PTGIS: variants seen among roughly 807,000 people sequenced by gnomAD.
The protein encoded by PTGIS is prostacyclin synthase.
Under a neutral mutation model 50.3 loss-of-function variants are expected in PTGIS, and 45 were observed. The ratio of observed to expected loss-of-function variants is 0.90; its 90% confidence interval spans 0.70 to 1.15. The LOEUF (loss-of-function observed/expected upper bound fraction) is 1.15. Ranked by LOEUF, PTGIS falls within the 50% of genes most tolerant of loss-of-function variation. The probability of loss-of-function intolerance (pLI) is 0.00; values close to 1 mark genes in which losing one functional copy is unlikely to be tolerated. For synonymous variants in PTGIS, 260 were observed against 267.7 expected, an observed-to-expected ratio of 0.97 and a Z score of 0.28; for missense variants, 668 against 661.3, an observed-to-expected ratio of 1.01 and a Z score of -0.11.
chr20:49,511,641 T>G (rs1981322998), intron 8 of PTGIS, among the ~76,000 whole-genome samples: 1 of 152,238 alleles, frequency 6.6e-6, no homozygotes, highest in Non-Finnish European at 1.5e-5. Context: ...TAATGTAAAA[T>G]AAAAGAAATT....
chr20:49,548,876 G>A (rs1982436233), intron 2 of PTGIS, among the ~76,000 whole-genome samples: 2 of 152,178 alleles, frequency 1.3e-5, no homozygotes, highest in Non-Finnish European at 2.9e-5. Context: ...AGGTTGGTTG[G>A]AAACCAAATG....
At position 49,540,469 on chromosome 20, in the gene PTGIS, G is replaced by A. The variant is rs560566109; in HGVS notation, c.522-748C>T. 6.6e-6 allele frequency among the ~76,000 whole-genome samples: 1 copy of A among 152,276 alleles called. No homozygotes were observed. Among genetic ancestry groups the A allele is most frequent in the South Asian group, 2.1e-4 (1 of 4,822 alleles). On this transcript the variant is annotated intron_variant, in intron 4 of 9. Coordinates refer to ENST00000244043, the MANE Select transcript of PTGIS (RefSeq NM_000961.4). This position sits in a 1 kb window ranked among gnomAD's most constrained non-coding sequence, Gnocchi z 4.8. Reference sequence around the variant, plus strand: ...GGTGCAGGCACTGGAGCCGGGGTGTGAGGCAGAGGATGGGAGGGCCTGGGC... The same window carrying A: ...GGTGCAGGCACTGGAGCCGGGGTGTAAGGCAGAGGATGGGAGGGCCTGGGC...
chr20:49,548,997 G>A (rs1321539420), intron 2 of PTGIS, among the ~76,000 whole-genome samples: 1 of 151,792 alleles, frequency 6.6e-6, no homozygotes, highest in African/African-American at 2.4e-5. Flanking sequence ...AAGGTGGGTG[G>A]GTGGTGGTCG....
intron 5 of PTGIS, among the ~76,000 whole-genome samples, chr20:49,526,988 T>C (rs966820305): frequency 6.6e-6 from 1 of 152,194 alleles, no homozygotes; most frequent in African/African-American, 2.4e-5. Flanking sequence ...CCCAAAGAAC[T>C]GAAACCAGAG....
intron 5 of PTGIS, among the ~76,000 whole-genome samples, chr20:49,532,397 A>G (rs774694244): frequency 4.6e-5 from 7 of 152,158 alleles, no homozygotes; most frequent in Admixed American, 6.5e-5. Flanking sequence ...TTTTTTTTTA[A>G]CAAAAGTCAG....
intron 9 of PTGIS, among the ~76,000 whole-genome samples, chr20:49,509,842 CT>C (rs1383369942): frequency 6.8e-6 from 1 of 147,442 alleles, no homozygotes; most frequent in African/African-American, 2.5e-5. Context: ...CCCAGTCCCC[CT>C]TTTCCCTCAA....
chr20:49,536,379 A>G (rs1461363060), intron 5 of PTGIS, among the ~76,000 whole-genome samples: 1 of 152,176 alleles, frequency 6.6e-6, no homozygotes, highest in African/African-American at 2.4e-5. Flanking sequence ...GTGTTTGAGC[A>G]CTGACTATGA....
intron 6 of PTGIS, among the ~76,000 whole-genome samples, chr20:49,517,885 A>T (rs1452414144): frequency 6.6e-6 from 1 of 152,166 alleles, no homozygotes; most frequent in Non-Finnish European, 1.5e-5. Context: ...TCCAGGACTG[A>T]CCCATCCTTC....
At chr20:49,547,360 G>A (rs1054354581) in intron 3 of PTGIS, among the ~76,000 whole-genome samples, 2 of 152,182 alleles carry the variant, frequency 1.3e-5, no homozygotes, top group Non-Finnish European at 2.9e-5. Flanking sequence ...GGGGCTGTAA[G>A]TTACTTAGCC....
rs962445480 is a variant in PTGIS, at chr20:49,550,249, A to G, written c.75-60T>C. Reference sequence around the variant, plus strand: ...AGGCAAGGAAGGGCATAAAGAGTGTAGGTTGCAGAGTGTGATTTTGAATGG... The same window carrying G: ...AGGCAAGGAAGGGCATAAAGAGTGTGGGTTGCAGAGTGTGATTTTGAATGG... On this transcript the variant is annotated intron_variant, in intron 1 of 9. Coordinates refer to ENST00000244043, the MANE Select transcript of PTGIS (RefSeq NM_000961.4). The G allele has an allele frequency of 2.2e-5, 35 of 1,594,494 alleles. No homozygotes were observed. The African/African-American group carries it at 4.6e-4, about 21-fold the overall frequency.
chr20:49,568,058 C>A lies in PTGIS; in HGVS notation c.59G>T (p.Ser20Ile), dbSNP rs1982952044. 3 of 1,471,098 alleles carry A rather than the reference C, an allele frequency of 2.0e-6. No individual in the cohort carries two copies. Among genetic ancestry groups the A allele is most frequent in the Admixed American group, 2.3e-5 (1 of 43,704 alleles). 91.1% of individuals were successfully genotyped at this position (1,471,098 alleles called of 1,614,324 possible). A position where few individuals can be genotyped will look rare whatever the true frequency, so the allele number is the denominator to read the frequency against. ...LAALLLLLLL[S>I]RRRTRRPGEP... The stretch of plus-strand genomic sequence containing the variant: ...GGACACTCACCGCGTGCGGCGGCGG[C>A]TCAGTAGCAGCAGCAGCAACAGTGC... Residue 20 changes from serine (S) to isoleucine (I), a missense_variant, in exon 1 of 10, where the codon AGC becomes ATC. By Grantham distance (142) the Ser-to-Ile change is moderately radical (BLOSUM62 -2). Coordinates refer to ENST00000244043, the MANE Select transcript of PTGIS (RefSeq NM_000961.4).
chr20:49,546,598 T>G (rs769230401), intron 3 of PTGIS, among the ~76,000 whole-genome samples: 30 of 152,212 alleles, frequency 2.0e-4, no homozygotes, highest in Admixed American at 7.9e-4. Context: ...CCTTGGTATC[T>G]TAGATGAAGG....
At position 49,527,775 on chromosome 20, in the gene PTGIS, A is replaced by G. The variant is rs140431955; in HGVS notation, c.674-3536T>C. On this transcript the variant is annotated intron_variant, in intron 5 of 9. Coordinates refer to ENST00000244043, the MANE Select transcript of PTGIS (RefSeq NM_000961.4). The stretch of plus-strand genomic sequence containing the variant: ...TTATGTTATTTATTATTTTACCACA[A>G]TTTTTTTAAAAGGCATATGAAGGTC... Among the ~76,000 whole-genome samples the G allele has an allele frequency of 8.5e-5, 13 of 152,268 alleles. No individual in the cohort carries two copies. The East Asian group carries it at 2.5e-3, about 29-fold the overall frequency.
At chr20:49,537,706 G>A (rs762987370) in intron 5 of PTGIS, among the ~76,000 whole-genome samples, 7 of 152,190 alleles carry the variant, frequency 4.6e-5, no homozygotes, top group Admixed American at 2.6e-4. Context: ...AGCGAGCCGA[G>A]ATTGTGCCGC....
intron 1 of PTGIS, among the ~76,000 whole-genome samples, chr20:49,567,369 G>A (rs1169871387): frequency 1.3e-5 from 2 of 152,208 alleles, no homozygotes; most frequent in Non-Finnish European, 2.9e-5. Context: ...TGTCCAGGCT[G>A]TGGGACCTCA....
intron 6 of PTGIS, among the ~76,000 whole-genome samples, chr20:49,517,421 G>T (rs573209554): frequency 2.0e-5 from 3 of 151,962 alleles, no homozygotes; most frequent in Middle Eastern, 3.4e-3. Flanking sequence ...GACCAAGACC[G>T]CCTTTTACCC....
In PTGIS at chr20:49,525,041, T is replaced by A. The variant is rs56381292; in HGVS notation, c.674-802A>T. On this transcript the variant is annotated intron_variant, in intron 5 of 9. Transcript: ENST00000244043. ...CCAGAGCAATGCCAGCCCATGTGCATGAGGAGGAGGCCACTGTGAGCAGGC... is the reference window on the plus strand; with the variant it reads ...CCAGAGCAATGCCAGCCCATGTGCAAGAGGAGGAGGCCACTGTGAGCAGGC... Among the ~76,000 whole-genome samples the A allele has an allele frequency of 2.0e-5, 3 of 152,180 alleles. No individual in the cohort carries two copies. In the East Asian group the frequency reaches 5.8e-4, roughly 29 times the overall value.
At chr20:49,513,801 T>C (rs1981394447) in intron 7 of PTGIS, among the ~76,000 whole-genome samples, 1 of 151,950 alleles carries the variant, frequency 6.6e-6, no homozygotes, top group Non-Finnish European at 1.5e-5. Flanking sequence ...CTGTAAGAGA[T>C]TCAGAGTCTC....
chr20:49,553,727 T>C (rs116818596), intron 1 of PTGIS, among the ~76,000 whole-genome samples: 1 of 151,902 alleles, frequency 6.6e-6, no homozygotes, highest in Non-Finnish European at 1.5e-5. Flanking sequence ...ATAAGAAGCA[T>C]GTAAAGAAAA....
Sources: gnomAD v4.1 joint callset for allele counts (sites outside exome capture counted in the v4.1 genomes callset) on GRCh38, gnomAD v4.1.1 for gene constraint, Gnocchi (gnomAD v3.1) non-coding constraint, MANE v1.5 for transcripts, NCBI Gene and HGNC (gene_info 2026-07-23, HGNC 2026-07-21) for gene names.